The following MROH2A variants were observed in gnomAD, a reference collection of about 807,000 sequenced individuals.
MROH2A encodes maestro heat like repeat family member 2A, also known as maestro heat-like repeat-containing protein family member 2A.
Under a neutral mutation model 200.4 loss-of-function variants are expected in MROH2A, and 174 were observed. The observed-to-expected ratio is 0.87, with a 90% CI of 0.77 to 0.98. MROH2A has a LOEUF of 0.98. Among genes scored for constraint, MROH2A ranks in the 50% least tolerant of loss-of-function variants. The pLI, the probability that MROH2A is intolerant of heterozygous loss-of-function variation, is 0.00. For synonymous variants in MROH2A, 829 were observed against 840.4 expected, an observed-to-expected ratio of 0.99 and a Z score of 0.23; for missense variants, 2,045 against 2,139.6, an observed-to-expected ratio of 0.96 and a Z score of 0.87.
chr2:233,795,538 G>C, intron 8 of MROH2A, 115 bp from the exon 9 acceptor site: 1 of 1,477,366 alleles, frequency 6.8e-7, no homozygotes, highest in Non-Finnish European at 9.2e-7. Flanking sequence ...TTTCTAATCA[G>C]CTCCCAGGGA....
At chr2:233,802,439 C>T (rs1380467379) in intron 15 of MROH2A, 124 bp downstream of exon 15, 2 of 1,098,746 alleles carry the variant, frequency 1.8e-6, no homozygotes, top group Non-Finnish European at 2.6e-6. Flanking sequence ...ACATCCAAGT[C>T]CAAATTAATA....
At chr2:233,817,709 C>T (rs11563237) in intron 27 of MROH2A, among the ~76,000 whole-genome samples, 4,908 of 152,260 alleles carry the variant, frequency 0.032, 126 homozygotes, top group East Asian at 0.095. Context: ...CCCCAGGGTT[C>T]GTTACAGGAA....
chr2:233,790,052 C>T (rs1701622400), intron 5 of MROH2A, 38 bp downstream of exon 5: 12 of 1,500,468 alleles, frequency 8.0e-6, no homozygotes, highest in African/African-American at 5.6e-5. Flanking sequence ...CCCAGTGTGC[C>T]CTTCTGGTCT....
intron 3 of MROH2A, among the ~76,000 whole-genome samples, chr2:233,788,097 TTA>T (rs1553628755): frequency 1.3e-5 from 1 of 74,638 alleles, no homozygotes; most frequent in African/African-American, 5.9e-5. Context: ...TATACATATA[TTA>T]TATATACATA....
chr2:233,795,849 T>G (rs11563248), intron 9 of MROH2A, 104 bp downstream of exon 9: 863,503 of 1,543,098 alleles, frequency 0.56, 244,202 homozygotes, highest in East Asian at 0.75. Context: ...CGTGCTTCCT[T>G]TATCCTGATG....
chr2:233,785,560 T>C (rs1701163686), intron 3 of MROH2A, among the ~76,000 whole-genome samples: 3 of 151,342 alleles, frequency 2.0e-5, no homozygotes, highest in African/African-American at 7.3e-5. Context: ...GGGGAAGCAC[T>C]AGGGTCTGTG....
In MROH2A at chr2:233,790,662, C is replaced by T. The variant is rs1437081167; in HGVS notation, c.571+648C>T. ...CCCCTCCCCTCCCCTCCCCTCCCCT[C>T]CCTCCCTCCCTCCCTTCCTTCCTTC... is the stretch of plus-strand genomic sequence containing the variant. On this transcript the variant is annotated intron_variant, in intron 5 of 41. Coordinates refer to ENST00000389758, the MANE Select transcript of MROH2A (RefSeq NM_001394639.1). Among the ~76,000 whole-genome samples, 30 of 6,376 alleles carry T rather than the reference C, an allele frequency of 4.7e-3. 10 individuals carry two copies. The highest frequency in any genetic ancestry group is 0.026 in the East Asian group (2 of 76). 4.2% of individuals were successfully genotyped at this position (6,376 alleles called of 152,430 possible). A position where few individuals can be genotyped will look rare whatever the true frequency, so the allele number is the denominator to read the frequency against.
chr2:233,821,061 G>A (rs1703905652), intron 31 of MROH2A, among the ~76,000 whole-genome samples: 1 of 152,206 alleles, frequency 6.6e-6, no homozygotes, highest in Non-Finnish European at 1.5e-5. Flanking sequence ...ATCTGTATTG[G>A]TTTGCTATTG....
intron 3 of MROH2A, among the ~76,000 whole-genome samples, chr2:233,786,173 G>C (rs1042327561): frequency 2.0e-5 from 3 of 151,986 alleles, no homozygotes; most frequent in Non-Finnish European, 4.4e-5. Flanking sequence ...TTCCCCCTTT[G>C]TCTCCTACCA....
chr2:233,832,079 C>T (rs1022940288), intron 39 of MROH2A, 98 bp from the exon 40 acceptor site: 15 of 1,008,002 alleles, frequency 1.5e-5, no homozygotes, highest in Non-Finnish European at 2.2e-5. Flanking sequence ...CGCTTGCCCT[C>T]TCTGATGCAT....
rs368659004 is a variant in MROH2A at position 233,810,895 on chromosome 2, G to T, written c.2550G>T (p.Thr850=). The T allele has an allele frequency of 1.3e-6, 2 of 1,550,264 alleles. No homozygotes were observed. The highest frequency in any genetic ancestry group is 2.4e-5 in the South Asian group (2 of 84,030). The change falls in exon 23 of 42, where the codon ACG becomes ACT. Residue 850 remains threonine, a synonymous_variant. Coordinates refer to ENST00000389758, the MANE Select transcript of MROH2A (RefSeq NM_001394639.1). The stretch of plus-strand genomic sequence containing the variant: ...AGGACTTTCACTTTGCCCAGAAGAC[G>T]ACTCTTACCAGCATTATAGTGGTAA... ...DLEDFHFAQK[T]TLTSIIVAVI...
At position 233,822,472 on chromosome 2, in the gene MROH2A, A is replaced by G; in HGVS notation, c.3782A>G (p.His1261Arg). ...CTCCTGCTGCAGCTTGGAAGCAGCC[A>G]CCGACCAGAGGCCGCCCCGCCGGTC... is the stretch of plus-strand genomic sequence containing the variant. ...YTLLLQLGSS[H>R]RPEAAPPVLK... The change falls in exon 33 of 42, where the codon CAC becomes CGC. Residue 1261 changes from histidine to arginine, a missense_variant. Physicochemically the swap from His to Arg is conservative, Grantham distance 29. This residue lies in a region of MROH2A where 1,201 missense variants were observed against 1,311.3 expected (regional missense o/e 0.92). Coordinates refer to ENST00000389758, the MANE Select transcript of MROH2A (RefSeq NM_001394639.1). The G allele has an allele frequency of 6.4e-7, 1 of 1,550,662 alleles. No individual in the cohort carries two copies. The highest frequency in any genetic ancestry group is 8.7e-7 in the Non-Finnish European group (1 of 1,147,028).
Position 233,803,309 on chromosome 2 carries a change from A to G in MROH2A, c.1709-139A>G, listed in dbSNP as rs984210100. 465 of 823,456 alleles carry G rather than the reference A, an allele frequency of 5.6e-4. 6 individuals are homozygous for G. The highest frequency in any genetic ancestry group is 2.1e-4 in the Admixed American group (9 of 42,462). The allele number at this position is 823,456 out of a possible 1,614,324, so 51.0% of individuals were successfully genotyped here. A position where few individuals can be genotyped will look rare whatever the true frequency, so the allele number is the denominator to read the frequency against. On this transcript the variant is annotated intron_variant, in intron 15 of 41. Coordinates refer to ENST00000389758, the MANE Select transcript of MROH2A (RefSeq NM_001394639.1). The stretch of plus-strand genomic sequence containing the variant: ...CTTAGGAAATTCCCTGTGCCAACCC[A>G]TTCTCCATTCTGGGGGTTTGGGGAA...
At chr2:233,817,981 C>T in intron 27 of MROH2A, 21 bp from the exon 28 acceptor site, 2 of 1,550,568 alleles carry the variant, frequency 1.3e-6, no homozygotes, top group Non-Finnish European at 1.7e-6. Context: ...GGTGTGAGCC[C>T]CACGGTCTCC....
Position 233,807,880 on chromosome 2 carries a change from G to T in MROH2A, c.2295+25G>T. ...GGTAAGCCACCTTCCCTCCACAACT[G>T]GGTCTTGGGATCTCTTAGCACAGTG... On this transcript the variant is annotated intron_variant, in intron 21 of 41. Transcript: ENST00000389758. The surrounding 1 kb of genome is among the most constrained non-coding windows in gnomAD (Gnocchi z 4.3). 6.4e-7 allele frequency: 1 copy of T among 1,550,896 alleles called. No homozygotes were observed. Among genetic ancestry groups the T allele is most frequent in the South Asian group, 1.2e-5 (1 of 84,044 alleles).
Position 233,809,004 on chromosome 2 carries a change from A to T in MROH2A, c.2296-122A>T, listed in dbSNP as rs1033451415. ...TGAACATTTCAGGCACCCAGAAAAC[A>T]GTCAGGTGAAGCACCGCCAGCTGAC... is the stretch of plus-strand genomic sequence containing the variant. On this transcript the variant is annotated intron_variant, in intron 21 of 41. Transcript: ENST00000389758. 14 of 1,046,948 alleles carry T rather than the reference A, an allele frequency of 1.3e-5. No homozygotes were observed. In the African/African-American group the frequency reaches 1.8e-4, roughly 13 times the overall value. The allele number at this position is 1,046,948 out of a possible 1,614,324, so 64.9% of individuals were successfully genotyped here. A position where few individuals can be genotyped will look rare whatever the true frequency, so the allele number is the denominator to read the frequency against.
At chr2:233,789,713 C>T (rs1701602931) in intron 4 of MROH2A, 85 bp downstream of exon 4, 1 of 1,452,790 alleles carries the variant, frequency 6.9e-7, no homozygotes, top group Non-Finnish European at 9.1e-7. Context: ...TGCCCACAGC[C>T]CTGTGCAGTT....
chr2:233,832,548 G>A (rs778901499), intron 40 of MROH2A, 31 bp from the exon 41 acceptor site: 130 of 1,467,078 alleles, frequency 8.9e-5, no homozygotes, highest in Middle Eastern at 5.2e-4. Flanking sequence ...TAATACTCGC[G>A]TGATGAGCAT....
chr2:233,792,694 T>G, intron 5 of MROH2A, 102 bp from the exon 6 acceptor site: 1 of 712,908 alleles, frequency 1.4e-6, no homozygotes, highest in Non-Finnish European at 2.5e-6. Context: ...AGCTCTGGAC[T>G]GTTAGGGGTT....
Sources: gnomAD v4.1 joint callset for allele counts (sites outside exome capture counted in the v4.1 genomes callset) on GRCh38, gnomAD v4.1.1 for gene constraint, gnomAD v4.1.1 regional missense constraint, Gnocchi (gnomAD v3.1) non-coding constraint, MANE v1.5 for transcripts, NCBI Gene and HGNC (gene_info 2026-07-23, HGNC 2026-07-21) for gene names.